The following SYT6 variants were observed in gnomAD, a reference collection of about 807,000 sequenced individuals.
SYT6 encodes synaptotagmin-6.
In SYT6, 24 loss-of-function variants were observed where a neutral mutation model predicts 38.4. That is an observed-to-expected ratio of 0.62 (90% CI 0.45 to 0.88). The LOEUF is 0.88. Ranked by LOEUF, SYT6 falls within the 40% of genes least tolerant of loss-of-function variation. The probability of loss-of-function intolerance (pLI) is 0.00; values close to 1 mark genes in which losing one functional copy is unlikely to be tolerated. For missense variants in SYT6, 611 were observed against 621.0 expected (o/e 0.98, Z 0.17); for synonymous variants, 265 against 241.9 (o/e 1.10, Z -0.89).
At chr1:114,134,264 C>T (rs1022261152) in intron 3 of SYT6, among the ~76,000 whole-genome samples, 1 of 152,198 alleles carries the variant, frequency 6.6e-6, no homozygotes, top group Admixed American at 6.5e-5. Context: ...AAGCCTGGCT[C>T]TAAGCCATTT....
rs2101626845 is a variant in SYT6, at chr1:114,099,121, A to C, written c.1337T>G (p.Leu446Arg). The change falls in exon 5 of 8, where the codon CTG (leucine) becomes CGG (arginine). Residue 446 changes from leucine (L) to arginine (R), a missense_variant. Physicochemically the swap from Leu to Arg is moderately radical, Grantham distance 102. Coordinates refer to ENST00000610222, the MANE Select transcript of SYT6 (RefSeq NM_001253772.2). ...IPPENMDQVS[L>R]LISVMDYDRV... ...ATCATAGTCCATGACTGAGATGAGC[A>C]GGCTGACTTGATCCATGTTTTCCGG... The C allele has an allele frequency of 1.2e-6, 2 of 1,613,892 alleles. No individual in the cohort carries two copies. The highest frequency in any genetic ancestry group is 4.5e-5 in the East Asian group (2 of 44,876).
chr1:114,124,413 G>A (rs1677603889), intron 3 of SYT6, among the ~76,000 whole-genome samples: 1 of 152,284 alleles, frequency 6.6e-6, no homozygotes, highest in Non-Finnish European at 1.5e-5. Context: ...AAAGAGGGAC[G>A]TGTGGTGGTG....
chr1:114,104,142 G>A (rs1226822741), intron 3 of SYT6, among the ~76,000 whole-genome samples: 1 of 152,168 alleles, frequency 6.6e-6, no homozygotes, highest in African/African-American at 2.4e-5. Flanking sequence ...TCATGACAGT[G>A]TCCTGGACAA....
At chr1:114,150,800 T>A (rs1679405035) in intron 1 of SYT6, among the ~76,000 whole-genome samples, 1 of 152,076 alleles carries the variant, frequency 6.6e-6, no homozygotes, top group Non-Finnish European at 1.5e-5. Context: ...AGGGGAAACT[T>A]GCTTTTAGTT....
At chr1:114,151,041 C>T (rs981732237) in intron 1 of SYT6, among the ~76,000 whole-genome samples, 2 of 152,152 alleles carry the variant, frequency 1.3e-5, no homozygotes, top group Non-Finnish European at 2.9e-5. Flanking sequence ...TAGCCACTTG[C>T]ATTTTTCATA....
At chr1:114,141,647 G>A (rs1345005161) in intron 1 of SYT6, among the ~76,000 whole-genome samples, 22 of 152,210 alleles carry the variant, frequency 1.4e-4, no homozygotes, top group Non-Finnish European at 2.9e-4. Context: ...CATTTTCAGA[G>A]TAGAAGAAAT....
At chr1:114,133,443 C>T (rs1422332748) in intron 3 of SYT6, among the ~76,000 whole-genome samples, 1 of 152,140 alleles carries the variant, frequency 6.6e-6, no homozygotes, top group African/African-American at 2.4e-5. Flanking sequence ...AATGATAAAT[C>T]TACAGCTTTA....
intron 1 of SYT6, among the ~76,000 whole-genome samples, chr1:114,151,891 C>T (rs1679454733): frequency 6.6e-6 from 1 of 152,140 alleles, no homozygotes. Context: ...GAATCAACTT[C>T]CCCAACCTCC....
At chr1:114,108,653 A>G (rs577711478) in intron 3 of SYT6, among the ~76,000 whole-genome samples, 1 of 152,338 alleles carries the variant, frequency 6.6e-6, no homozygotes, top group East Asian at 1.9e-4. Context: ...CGCCTGCCTC[A>G]GGGAATCTAG....
chr1:114,143,558 A>ATG (rs1037370449), intron 1 of SYT6, among the ~76,000 whole-genome samples: 19 of 148,772 alleles, frequency 1.3e-4, no homozygotes, highest in East Asian at 9.9e-4. Flanking sequence ...ACTTATGTGC[A>ATG]TGTGTGTGTG....
intron 3 of SYT6, among the ~76,000 whole-genome samples, chr1:114,116,849 C>T (rs1249196929): frequency 6.6e-6 from 1 of 152,202 alleles, no homozygotes; most frequent in Non-Finnish European, 1.5e-5. Context: ...CTCCTAGTTC[C>T]CACCTACTAT....
rs1456863537 is a variant in SYT6 at position 114,089,503 on chromosome 1, T to C, written c.*2631A>G. ...ACTTTTCATGTTTTTTAAAAAAACC[T>C]ATGTGCAAATGGCCCTGGTTATCAC... On this transcript the variant is annotated 3_prime_UTR_variant, in exon 8 of 8. Coordinates refer to ENST00000610222, the MANE Select transcript of SYT6 (RefSeq NM_001253772.2). The C allele has an allele frequency of 1.3e-5, 2 of 152,430 alleles. No individual in the cohort carries two copies. Among genetic ancestry groups the C allele is most frequent in the African/African-American group, 4.8e-5 (2 of 41,444 alleles). The allele number at this position is 152,430 out of a possible 1,614,324, so 9.4% of individuals were successfully genotyped here.
At chr1:114,105,599 C>T (rs991925099) in intron 3 of SYT6, among the ~76,000 whole-genome samples, 5 of 152,276 alleles carry the variant, frequency 3.3e-5, no homozygotes, top group Admixed American at 6.5e-5. Flanking sequence ...CAGAGCCAGC[C>T]ATCCCACACC....
At chr1:114,098,955 CT>C in intron 5 of SYT6, 138 bp downstream of exon 5, 1 of 827,948 alleles carries the variant, frequency 1.2e-6, no homozygotes, top group Non-Finnish European at 1.8e-6. Context: ...CTCCTGCACC[CT>C]TCTTGGGTAC....
intron 4 of SYT6, among the ~76,000 whole-genome samples, 186 bp from the exon 5 acceptor site, chr1:114,099,451 C>T (rs925964613): frequency 6.6e-6 from 1 of 152,180 alleles, no homozygotes; most frequent in Non-Finnish European, 1.5e-5. Context: ...ACACTCTGTG[C>T]TTAATAAATG....
At chr1:114,138,491 C>T (rs1678647336) in intron 2 of SYT6, among the ~76,000 whole-genome samples, 1 of 152,166 alleles carries the variant, frequency 6.6e-6, no homozygotes, top group Non-Finnish European at 1.5e-5. Flanking sequence ...TAAGCATTTG[C>T]TATACGGCAG....
intron 1 of SYT6, among the ~76,000 whole-genome samples, chr1:114,147,486 A>G (rs1054647094): frequency 2.6e-5 from 4 of 152,110 alleles, no homozygotes; most frequent in African/African-American, 9.7e-5. Flanking sequence ...ATAGTAGCCA[A>G]CTCTCCAGCA....
At chr1:114,131,802 G>C (rs753560801) in intron 3 of SYT6, among the ~76,000 whole-genome samples, 2 of 152,190 alleles carry the variant, frequency 1.3e-5, no homozygotes, top group Admixed American at 6.5e-5. Flanking sequence ...GGAAATGGGG[G>C]AAAGGGTAAA....
intron 6 of SYT6, among the ~76,000 whole-genome samples, chr1:114,096,490 G>A (rs188110116): frequency 8.4e-4 from 128 of 152,330 alleles, no homozygotes; most frequent in African/African-American, 3.0e-3. Context: ...GATTCAATTA[G>A]CCTGTCCTCC....
Sources: allele counts gnomAD v4.1 joint callset (sites outside exome capture counted in the v4.1 genomes callset), GRCh38; gene constraint gnomAD v4.1.1; transcripts MANE v1.5; gene names NCBI Gene and HGNC (gene_info 2026-07-23, HGNC 2026-07-21).